Variants in SLC25A15 observed in about 807,000 individuals in gnomAD.
SLC25A15 encodes the protein mitochondrial ornithine transporter 1.
A neutral mutation model predicts 32.3 loss-of-function variants in SLC25A15; 24 were observed. The observed-to-expected ratio is 0.74, with a 90% CI of 0.54 to 1.04. The LOEUF (loss-of-function observed/expected upper bound fraction) is 1.04. Among genes scored for constraint, SLC25A15 ranks in the 50% least tolerant of loss-of-function variants. SLC25A15 has a pLI of 0.00. For missense variants in SLC25A15, 317 were observed against 374.5 expected (o/e 0.85, Z 1.27); for synonymous variants, 132 against 142.1 (o/e 0.93, Z 0.51).
intron 1 of SLC25A15, among the ~76,000 whole-genome samples, chr13:40,791,355 A>G (rs939472206): frequency 7.2e-6 from 1 of 138,608 alleles, no homozygotes; most frequent in African/African-American, 2.9e-5. Context: ...ATTTTCTATT[A>G]TTATTATTAT....
chr13:40,791,384 G>A (rs1881498108), intron 1 of SLC25A15, among the ~76,000 whole-genome samples: 1 of 145,888 alleles, frequency 6.9e-6, no homozygotes, highest in Non-Finnish European at 1.5e-5. Context: ...TTGAGACAGA[G>A]TCTCACTTTG....
chr13:40,812,370 T>G lies in SLC25A15; in HGVS notation c.*2703T>G, dbSNP rs1157987125. Among the ~76,000 whole-genome samples, 3 of 152,228 alleles carry G rather than the reference T, an allele frequency of 2.0e-5. No homozygotes were observed. Among genetic ancestry groups the G allele is most frequent in the African/African-American group, 7.2e-5 (3 of 41,460 alleles). On this transcript the variant is annotated 3_prime_UTR_variant, in exon 7 of 7. Transcript: ENST00000338625. ...TTAATTCAGAGTACAGTTTGTGCTA[T>G]TTCATATCTGTACTCCAGGCAGAAA...
chr13:40,809,421 C>G (rs1236761367), intron 6 of SLC25A15, 122 bp from the exon 7 acceptor site: 2 of 1,208,748 alleles, frequency 1.7e-6, no homozygotes, highest in Non-Finnish European at 2.5e-6. Context: ...CCTTCTATGA[C>G]TTGTTGGTTT....
intron 2 of SLC25A15, among the ~76,000 whole-genome samples, chr13:40,794,165 A>G (rs971786608): frequency 3.3e-5 from 5 of 152,068 alleles, no homozygotes; most frequent in Non-Finnish European, 5.9e-5. Context: ...ACATGGAGAA[A>G]CCCCGTCTCT....
chr13:40,809,777 T>G lies in SLC25A15; in HGVS notation c.*110T>G. ...AAGTTATTCTGATTTCTTGGGAATT[T>G]TGCTTTTTGTCTTCCCTTCTACCCT... On this transcript the variant is annotated 3_prime_UTR_variant, in exon 7 of 7. Transcript: ENST00000338625. 7.7e-7 allele frequency: 1 copy of G among 1,291,522 alleles called. No homozygotes were observed. Among genetic ancestry groups the G allele is most frequent in the South Asian group, 1.2e-5 (1 of 82,776 alleles). 80.0% of individuals were successfully genotyped at this position (1,291,522 alleles called of 1,614,324 possible).
intron 2 of SLC25A15, among the ~76,000 whole-genome samples, chr13:40,797,573 C>T (rs113187758): frequency 0.017 from 2,542 of 152,052 alleles, 69 homozygotes; most frequent in African/African-American, 0.059. Context: ...CAATTAAAGG[C>T]GGAAGTGTGT....
intron 1 of SLC25A15, among the ~76,000 whole-genome samples, chr13:40,790,125 C>T (rs1281859964): frequency 6.6e-6 from 1 of 152,202 alleles, no homozygotes; most frequent in East Asian, 1.9e-4. Context: ...AACTGATTTG[C>T]ATCTCCACGC....
intron 1 of SLC25A15, among the ~76,000 whole-genome samples, chr13:40,791,431 C>T (rs1359800043): frequency 1.3e-5 from 2 of 150,982 alleles, no homozygotes; most frequent in Non-Finnish European, 2.9e-5. Context: ...AATCTCGGCT[C>T]ACTGCAACCT....
chr13:40,799,257 G>A lies in SLC25A15; in HGVS notation c.256G>A (p.Gly86Ser), dbSNP rs553002387. ...AENSVLFMCY[G>S]FCQQVVRKVA... ...GAACTCAGTCCTCTTCATGTGCTAC[G>A]GCTTCTGCCAGCAGGTGGTGCGGAA... The change falls in exon 3 of 7, where the codon GGC (glycine) becomes AGC (serine). Residue 86 changes from glycine (G) to serine (S), a missense_variant. Coordinates refer to ENST00000338625, the MANE Select transcript of SLC25A15 (RefSeq NM_014252.4). 5.8e-5 allele frequency: 94 copies of A among 1,614,138 alleles called. No homozygotes were observed. In the South Asian group the frequency reaches 8.7e-4, roughly 15 times the overall value.
At position 40,804,975 on chromosome 13, in the gene SLC25A15, C is replaced by G. The variant is rs1006567155; in HGVS notation, c.315-143C>G. ...ATGGGCTCAAGTGATCCTCCCACCT[C>G]AGTCTCCTAAGTAGCTGTAATCACA... On this transcript the variant is annotated intron_variant, in intron 3 of 6. Coordinates refer to ENST00000338625, the MANE Select transcript of SLC25A15 (RefSeq NM_014252.4). The G allele has an allele frequency of 3.3e-6, 3 of 922,076 alleles. No individual in the cohort carries two copies. In the African/African-American group the frequency reaches 4.8e-5, roughly 15 times the overall value. The allele number at this position is 922,076 out of a possible 1,614,324, so 57.1% of individuals were successfully genotyped here.
intron 3 of SLC25A15, 136 bp from the exon 4 acceptor site, chr13:40,804,982 C>T (rs1248103639): frequency 2.0e-6 from 2 of 997,300 alleles, no homozygotes; most frequent in South Asian, 1.3e-5. Flanking sequence ...CCTCAGTCTC[C>T]TAAGTAGCTG....
Position 40,791,104 on chromosome 13 carries a change from T to C in SLC25A15, c.-70+1441T>C, listed in dbSNP as rs116959566. ...CCCGTTTTTTTCTTTCCCAAAAATA[T>C]AGGGTTGGGTGTTTTGTGTTGCCTT... is the stretch of plus-strand genomic sequence containing the variant. On this transcript the variant is annotated intron_variant, in intron 1 of 6. Coordinates refer to ENST00000338625, the MANE Select transcript of SLC25A15 (RefSeq NM_014252.4). Among the ~76,000 whole-genome samples the C allele has an allele frequency of 1.7e-3, 259 of 152,004 alleles. 2 individuals are homozygous for C. The highest frequency in any genetic ancestry group is 0.015 in the East Asian group (79 of 5,168).
chr13:40,797,155 A>G (rs562801835), intron 2 of SLC25A15, among the ~76,000 whole-genome samples: 2 of 152,264 alleles, frequency 1.3e-5, no homozygotes, highest in Admixed American at 1.3e-4. Flanking sequence ...GGTAAATTAC[A>G]CGGGAAGTTA....
At chr13:40,806,474 G>T (rs1404456397) in intron 4 of SLC25A15, among the ~76,000 whole-genome samples, 1 of 152,242 alleles carries the variant, frequency 6.6e-6, no homozygotes, top group Non-Finnish European at 1.5e-5. Flanking sequence ...CTAAGACTCG[G>T]ATTGGAAGGG....
rs1484904942 is a variant in SLC25A15 at position 40,810,998 on chromosome 13, G to A, written c.*1331G>A. 5.1e-6 allele frequency: 2 copies of A among 389,040 alleles called. No homozygotes were observed. The highest frequency in any genetic ancestry group is 1.0e-5 in the Non-Finnish European group (2 of 194,650). The allele number at this position is 389,040 out of a possible 1,614,324, so 24.1% of individuals were successfully genotyped here. A position where few individuals can be genotyped will look rare whatever the true frequency, so the allele number is the denominator to read the frequency against. ...CTGTTTGGTGATTGTGTGACAGTGGGTGAACCTCTCTCAGAGAGAACTAGA... is the reference window on the plus strand; with the variant it reads ...CTGTTTGGTGATTGTGTGACAGTGGATGAACCTCTCTCAGAGAGAACTAGA... On this transcript the variant is annotated 3_prime_UTR_variant, in exon 7 of 7. Transcript: ENST00000338625.
intron 2 of SLC25A15, 63 bp downstream of exon 2, chr13:40,793,344 C>T: frequency 7.4e-7 from 1 of 1,358,124 alleles, no homozygotes; most frequent in South Asian, 1.2e-5. Flanking sequence ...TGATGGTGGT[C>T]CCATGAGATT....
intron 1 of SLC25A15, among the ~76,000 whole-genome samples, chr13:40,791,361 A>T (rs1386181007): frequency 5.0e-5 from 7 of 139,224 alleles, no homozygotes; most frequent in Middle Eastern, 3.4e-3. Context: ...TATTATTATT[A>T]TTATTTTTTT....
rs142236568 is a variant in SLC25A15, at chr13:40,808,521, A to G, written c.706A>G (p.Arg236Gly). ...AVYPVDCIKS[R>G]IQVLSMSGKQ... The stretch of plus-strand genomic sequence containing the variant: ...ATACCCAGTGGATTGTATCAAATCC[A>G]GAATTCAAGTTCTTTCCATGTCTGG... Residue 236 changes from arginine to glycine, a missense_variant, in exon 6 of 7, where the codon AGA (arginine) becomes GGA (glycine). Coordinates refer to ENST00000338625, the MANE Select transcript of SLC25A15 (RefSeq NM_014252.4). The G allele has an allele frequency of 1.2e-4, 194 of 1,613,016 alleles. No individual in the cohort carries two copies. Among genetic ancestry groups the G allele is most frequent in the Admixed American group, 1.2e-4 (7 of 60,010 alleles).
At chr13:40,798,665 T>G (rs1252315157) in intron 2 of SLC25A15, 1 of 622,320 alleles carries the variant, frequency 1.6e-6, no homozygotes, top group Non-Finnish European at 2.0e-6. Flanking sequence ...CCATTTTTAT[T>G]TAATCCTCAC....
Sources: allele counts gnomAD v4.1 joint callset (sites outside exome capture counted in the v4.1 genomes callset), GRCh38; gene constraint gnomAD v4.1.1; transcripts MANE v1.5; gene names NCBI Gene and HGNC (gene_info 2026-07-23, HGNC 2026-07-21).